Variants in MTOR observed in about 807,000 individuals in gnomAD.
The protein encoded by MTOR is serine/threonine-protein kinase mTOR.
MTOR carries 70 observed loss-of-function variants against 319.8 expected under a neutral mutation model. That is an observed-to-expected ratio of 0.22 (90% CI 0.18 to 0.27). MTOR has a LOEUF of 0.27. MTOR is among the 10% of genes least tolerant of loss of function. The pLI is 1.00. For synonymous variants in MTOR, 1,183 were observed against 1,211.4 expected, an observed-to-expected ratio of 0.98 and a Z score of 0.49; for missense variants, 1,890 against 3,274.4, an observed-to-expected ratio of 0.58 and a Z score of 10.32.
intron 30 of MTOR, among the ~76,000 whole-genome samples, chr1:11,152,109 C>G (rs1438350760): frequency 6.6e-6 from 1 of 152,186 alleles, no homozygotes; most frequent in African/African-American, 2.4e-5. Context: ...CAGACAAGAG[C>G]ATTGCTCTTC....
intron 30 of MTOR, among the ~76,000 whole-genome samples, chr1:11,156,082 C>T (rs1198644570): frequency 6.6e-6 from 1 of 152,120 alleles, no homozygotes; most frequent in Non-Finnish European, 1.5e-5. Context: ...CCTCCGCCTC[C>T]CGGGTTCAAG....
At position 11,114,805 on chromosome 1, in the gene MTOR, C is replaced by A. The variant is rs368963147; in HGVS notation, c.7164+8G>T. On this transcript the variant is annotated splice_region_variant and intron_variant, in intron 52 of 57. Coordinates refer to ENST00000361445, the MANE Select transcript of MTOR (RefSeq NM_004958.4). ...TTTGGAAGCAGCTCGTTCCCGATAT[C>A]CACTCACCTCCATAGCATTGGTCAA... The A allele has an allele frequency of 3.1e-6, 5 of 1,613,722 alleles. No homozygotes were observed. Among genetic ancestry groups the A allele is most frequent in the Non-Finnish European group, 8.5e-7 (1 of 1,179,736 alleles).
intron 25 of MTOR, among the ~76,000 whole-genome samples, chr1:11,205,687 G>C (rs749909883): frequency 6.6e-6 from 1 of 152,130 alleles, no homozygotes; most frequent in Non-Finnish European, 1.5e-5. Flanking sequence ...TGGCTTAGCC[G>C]GAATAAAGGA....
chr1:11,259,031 C>G (rs1231546697), intron 2 of MTOR, among the ~76,000 whole-genome samples: 1 of 152,162 alleles, frequency 6.6e-6, no homozygotes. Flanking sequence ...TCTATTCTGG[C>G]CCCTAAAATG....
At chr1:11,136,447 T>C (rs1643421381) in intron 36 of MTOR, among the ~76,000 whole-genome samples, 1 of 152,202 alleles carries the variant, frequency 6.6e-6, no homozygotes, top group South Asian at 2.1e-4. Flanking sequence ...TACAATAGCA[T>C]CCCACACTTG....
In MTOR at chr1:11,199,614, A is replaced by G. The variant is rs2100746426; in HGVS notation, c.4034T>C (p.Leu1345Pro). The G allele has an allele frequency of 6.2e-7, 1 of 1,614,184 alleles. No homozygotes were observed. The highest frequency in any genetic ancestry group is 8.5e-7 in the Non-Finnish European group (1 of 1,180,026). ...DELIRSIELA[L>P]TSQDIAEVTQ... The stretch of plus-strand genomic sequence containing the variant: ...GACTTCAGCGATGTCTTGTGAGGTG[A>G]GGGCCAACTCGATGCTTCTGATGAG... Residue 1345 changes from leucine (L) to proline (P), a missense_variant, in exon 27 of 58, where the codon CTC becomes CCC. This residue lies in a region of MTOR where 49 missense variants were observed against 119.1 expected (regional missense o/e 0.41). Transcript: ENST00000361445. This position sits in a 1 kb window ranked among gnomAD's most constrained non-coding sequence, Gnocchi z 4.5.
intron 19 of MTOR, among the ~76,000 whole-genome samples, 191 bp downstream of exon 19, chr1:11,228,477 C>T (rs907592718): frequency 6.6e-6 from 1 of 152,172 alleles, no homozygotes; most frequent in Non-Finnish European, 1.5e-5. Context: ...GTGTGAGCCA[C>T]TGCACCTGGC....
chr1:11,194,451 C>T, intron 28 of MTOR: 1 of 1,613,532 alleles, frequency 6.2e-7, no homozygotes, highest in Non-Finnish European at 8.5e-7. Flanking sequence ...GGCTCTGCTC[C>T]TCCTGACAGG....
At chr1:11,197,785 C>T (rs1557833449) in intron 28 of MTOR, among the ~76,000 whole-genome samples, 1 of 152,210 alleles carries the variant, frequency 6.6e-6, no homozygotes, top group Non-Finnish European at 1.5e-5. Context: ...TCAAGTGATC[C>T]ACCCACCTTG....
intron 30 of MTOR, among the ~76,000 whole-genome samples, chr1:11,152,993 C>A (rs573402911): frequency 2.0e-5 from 3 of 152,318 alleles, no homozygotes; most frequent in African/African-American, 7.2e-5. Context: ...GTATTTGGGA[C>A]TGAGAACGGC....
chr1:11,184,893 G>A (rs1002277059), intron 28 of MTOR, among the ~76,000 whole-genome samples: 4 of 152,112 alleles, frequency 2.6e-5, no homozygotes, highest in East Asian at 1.9e-4. Context: ...CCCCGGGCAC[G>A]GCCCCCCTCC....
intron 32 of MTOR, among the ~76,000 whole-genome samples, chr1:11,146,158 G>C (rs150065757): frequency 3.4e-3 from 516 of 152,312 alleles, no homozygotes; most frequent in Admixed American, 7.1e-3. Flanking sequence ...TGCCTTAAGT[G>C]CTCAGATCAT....
At chr1:11,161,139 C>T (rs1055754297) in intron 29 of MTOR, among the ~76,000 whole-genome samples, 1 of 152,236 alleles carries the variant, frequency 6.6e-6, no homozygotes, top group Non-Finnish European at 1.5e-5. Context: ...GAGATTATAA[C>T]CCGTGCCTGG....
At chr1:11,148,761 G>A (rs1300616252) in intron 31 of MTOR, among the ~76,000 whole-genome samples, 6 of 152,050 alleles carry the variant, frequency 3.9e-5, no homozygotes, top group African/African-American at 1.2e-4. Flanking sequence ...TTAGCCGGGC[G>A]TGGTGGCAGT....
chr1:11,129,356 C>T lies in MTOR; in HGVS notation c.5714+382G>A, dbSNP rs1194669309. The stretch of plus-strand genomic sequence containing the variant: ...ATGTGGACCTTGTCACCTTTACCCT[C>T]TGGGTTAACTGATTTGAGTCATTTG... On this transcript the variant is annotated intron_variant, in intron 40 of 57. Coordinates refer to ENST00000361445, the MANE Select transcript of MTOR (RefSeq NM_004958.4). The surrounding 1 kb of genome is among the most constrained non-coding windows in gnomAD (Gnocchi z 4.7). Among the ~76,000 whole-genome samples, 1 of 152,230 alleles carries T rather than the reference C, an allele frequency of 6.6e-6. No homozygotes were observed. Among genetic ancestry groups the T allele is most frequent in the African/African-American group, 2.4e-5 (1 of 41,466 alleles).
chr1:11,121,013 A>C lies in MTOR; in HGVS notation c.6933+233T>G, dbSNP rs1642497437. Among the ~76,000 whole-genome samples the C allele has an allele frequency of 1.3e-5, 2 of 152,216 alleles. No homozygotes were observed. The highest frequency in any genetic ancestry group is 1.3e-4 in the Admixed American group (2 of 15,278). ...TGTAACATATATAAAAAAGACAACT[A>C]TCTTTAATTCTTTAATATATAAAGA... is the stretch of plus-strand genomic sequence containing the variant. On this transcript the variant is annotated intron_variant, in intron 49 of 57. Coordinates refer to ENST00000361445, the MANE Select transcript of MTOR (RefSeq NM_004958.4). The surrounding 1 kb of genome is among the most constrained non-coding windows in gnomAD (Gnocchi z 4.9).
At chr1:11,226,935 C>A (rs1646859365) in intron 19 of MTOR, among the ~76,000 whole-genome samples, 1 of 142,874 alleles carries the variant, frequency 7.0e-6, no homozygotes, top group Non-Finnish European at 1.5e-5. Flanking sequence ...GCCCCCGCCC[C>A]CGCCCACCAG....
In MTOR at chr1:11,238,591, G is replaced by A; in HGVS notation, c.1813C>T (p.His605Tyr). Residue 605 changes from histidine to tyrosine, a missense_variant, in exon 12 of 58, where the codon CAC becomes TAC. His to Tyr is a moderately conservative substitution (Grantham distance 83). This residue lies in a region of MTOR where 418 missense variants were observed against 543.1 expected (regional missense o/e 0.77). Transcript: ENST00000361445. ...EGHSLTQFVR[H>Y]CADHFLNSEH... ...CTGTTCAGGAAATGATCCGCACAGT[G>A]GCGAACAAATTGGGTCAGAGAGTGG... 1 of 1,613,020 alleles carries A rather than the reference G, an allele frequency of 6.2e-7. No homozygotes were observed. Among genetic ancestry groups the A allele is most frequent in the Non-Finnish European group, 8.5e-7 (1 of 1,179,084 alleles).
intron 28 of MTOR, among the ~76,000 whole-genome samples, chr1:11,181,409 C>T (rs1396724871): frequency 6.6e-6 from 1 of 152,106 alleles, no homozygotes; most frequent in Non-Finnish European, 1.5e-5. Flanking sequence ...CCTGTAATTC[C>T]AGCTACTCGG....
Sources: gnomAD v4.1 joint callset for allele counts (sites outside exome capture counted in the v4.1 genomes callset) on GRCh38, gnomAD v4.1.1 for gene constraint, gnomAD v4.1.1 regional missense constraint, Gnocchi (gnomAD v3.1) non-coding constraint, MANE v1.5 for transcripts, NCBI Gene and HGNC (gene_info 2026-07-23, HGNC 2026-07-21) for gene names.